The following HS6ST3 variants were observed in gnomAD, a reference collection of about 807,000 sequenced individuals.
HS6ST3 encodes the protein heparan-sulfate 6-O-sulfotransferase 3.
Under a neutral mutation model 36.7 loss-of-function variants are expected in HS6ST3, and 12 were observed. That is an observed-to-expected ratio of 0.33 (90% confidence interval 0.21 to 0.53). HS6ST3 has a LOEUF of 0.53. Ranked by LOEUF, HS6ST3 falls within the 20% of genes least tolerant of loss-of-function variation. HS6ST3 has a pLI of 0.95. For missense variants in HS6ST3, 584 were observed against 640.9 expected (o/e 0.91, Z 0.96); for synonymous variants, 240 against 257.5 (o/e 0.93, Z 0.65).
intron 1 of HS6ST3, among the ~76,000 whole-genome samples, chr13:96,734,718 T>G (rs1876240087): frequency 6.6e-6 from 1 of 152,230 alleles, no homozygotes; most frequent in Non-Finnish European, 1.5e-5. Context: ...TTTAATAAGA[T>G]TATTTGCTAA....
At chr13:96,566,029 T>C (rs898502181) in intron 1 of HS6ST3, among the ~76,000 whole-genome samples, 11 of 151,890 alleles carry the variant, frequency 7.2e-5, no homozygotes, top group Non-Finnish European at 1.6e-4. Context: ...GTATTGTATC[T>C]GTGAAGTAAG....
chr13:96,665,175 AAAAT>A, intron 1 of HS6ST3, among the ~76,000 whole-genome samples: 2 of 152,258 alleles, frequency 1.3e-5, no homozygotes, highest in East Asian at 3.9e-4. Flanking sequence ...TCAAAAAGAT[AAAAT>A]AAATAAATAA....
intron 1 of HS6ST3, among the ~76,000 whole-genome samples, chr13:96,116,534 T>G (rs2053895087): frequency 6.6e-6 from 1 of 152,100 alleles, no homozygotes; most frequent in South Asian, 2.1e-4. Context: ...AAATCTCCCA[T>G]CCCCACTCCA....
chr13:96,443,398 C>G (rs1026072832), intron 1 of HS6ST3, among the ~76,000 whole-genome samples: 1 of 151,686 alleles, frequency 6.6e-6, no homozygotes, highest in Non-Finnish European at 1.5e-5. Flanking sequence ...GGCATGGTGG[C>G]AAGTGCCTGT....
chr13:96,402,068 A>G (rs1262354435), intron 1 of HS6ST3, among the ~76,000 whole-genome samples: 1 of 152,174 alleles, frequency 6.6e-6, no homozygotes, highest in Non-Finnish European at 1.5e-5. Context: ...TCAGCATCCC[A>G]AGTAGCTGAG....
intron 1 of HS6ST3, among the ~76,000 whole-genome samples, chr13:96,167,591 T>A (rs1001481912): frequency 6.6e-6 from 1 of 152,198 alleles, no homozygotes; most frequent in African/African-American, 2.4e-5. Context: ...ACTGGGTCAT[T>A]TACTAAGCCG....
chr13:96,316,243 T>A (rs1401863153), intron 1 of HS6ST3, among the ~76,000 whole-genome samples: 1 of 150,148 alleles, frequency 6.7e-6, no homozygotes, highest in African/African-American at 2.5e-5. Flanking sequence ...CATATACACA[T>A]GCACTACATA....
At chr13:96,373,904 G>A (rs1043611110) in intron 1 of HS6ST3, among the ~76,000 whole-genome samples, 1 of 152,156 alleles carries the variant, frequency 6.6e-6, no homozygotes, top group African/African-American at 2.4e-5. Context: ...ATTTTGTTGT[G>A]ATGTTAGTTT....
intron 1 of HS6ST3, among the ~76,000 whole-genome samples, chr13:96,123,193 T>A (rs1287144562): frequency 6.6e-6 from 1 of 152,196 alleles, no homozygotes; most frequent in Non-Finnish European, 1.5e-5. Flanking sequence ...TACTTAATAT[T>A]CCCTATGAAT....
At chr13:96,162,697 A>G (rs894119546) in intron 1 of HS6ST3, among the ~76,000 whole-genome samples, 3 of 152,236 alleles carry the variant, frequency 2.0e-5, no homozygotes, top group African/African-American at 4.8e-5. Flanking sequence ...ATCAAAGTCA[A>G]CTGTGATACA....
chr13:96,790,268 TGTACACAC>T (rs1176541144), intron 1 of HS6ST3, among the ~76,000 whole-genome samples: 1 of 96,712 alleles, frequency 1.0e-5, no homozygotes, highest in Non-Finnish European at 2.1e-5. Flanking sequence ...AAAACACACA[TGTACACAC>T]ACACACACAC....
At chr13:96,185,627 C>A (rs1161837405) in intron 1 of HS6ST3, among the ~76,000 whole-genome samples, 1 of 152,212 alleles carries the variant, frequency 6.6e-6, no homozygotes. Flanking sequence ...TATAAGTTTA[C>A]TGCATTTTCT....
intron 1 of HS6ST3, among the ~76,000 whole-genome samples, chr13:96,772,705 A>G (rs1877292787): frequency 6.6e-6 from 1 of 152,338 alleles, no homozygotes; most frequent in South Asian, 2.1e-4. Flanking sequence ...ATGAATGGGT[A>G]TATAATAAGC....
At chr13:96,793,071 A>C (rs968645899) in intron 1 of HS6ST3, among the ~76,000 whole-genome samples, 1 of 152,028 alleles carries the variant, frequency 6.6e-6, no homozygotes, top group African/African-American at 2.4e-5. Context: ...TTGCTTAGCC[A>C]TGAGGAGTGA....
rs2055711365 is a variant in HS6ST3, at chr13:96,448,683, C to T, written c.707+357114C>T. On this transcript the variant is annotated intron_variant, in intron 1 of 1. Coordinates refer to ENST00000376705, the MANE Select transcript of HS6ST3 (RefSeq NM_153456.4). ...TTTCTCTTCCTCCTCATCCGCTTGA[C>T]TGTCTAGGCTGAACTCCAGAGGGCC... Among the ~76,000 whole-genome samples, 3 of 152,096 alleles carry T rather than the reference C, an allele frequency of 2.0e-5. No individual in the cohort carries two copies. The South Asian group carries it at 6.2e-4, about 32-fold the overall frequency.
At chr13:96,101,325 T>C (rs950401457) in intron 1 of HS6ST3, among the ~76,000 whole-genome samples, 3 of 152,192 alleles carry the variant, frequency 2.0e-5, no homozygotes, top group African/African-American at 7.2e-5. Context: ...GTAATATTTA[T>C]GAGCTTTAAG....
At chr13:96,273,290 A>G (rs1265932425) in intron 1 of HS6ST3, among the ~76,000 whole-genome samples, 1 of 151,972 alleles carries the variant, frequency 6.6e-6, no homozygotes, top group Non-Finnish European at 1.5e-5. Context: ...GATAATTCTT[A>G]TAGTCCAGGG....
intron 1 of HS6ST3, among the ~76,000 whole-genome samples, chr13:96,093,368 A>G (rs1471279368): frequency 2.0e-5 from 3 of 152,186 alleles, no homozygotes; most frequent in Non-Finnish European, 4.4e-5. Flanking sequence ...ATAGGTGACA[A>G]GCAGTAAGGT....
intron 1 of HS6ST3, among the ~76,000 whole-genome samples, chr13:96,405,069 A>G (rs919061660): frequency 2.0e-5 from 3 of 152,196 alleles, no homozygotes; most frequent in Non-Finnish European, 2.9e-5. Context: ...AGGCCTTCCC[A>G]GCCAAGTGGA....
Sources: gnomAD v4.1 joint callset for allele counts (sites outside exome capture counted in the v4.1 genomes callset) on GRCh38, gnomAD v4.1.1 for gene constraint, MANE v1.5 for transcripts, NCBI Gene and HGNC (gene_info 2026-07-23, HGNC 2026-07-21) for gene names.